Variants in KHDRBS2 observed in about 807,000 individuals in gnomAD.
KHDRBS2 encodes the protein KH RNA binding domain containing, signal transduction associated 2.
A neutral mutation model predicts 44.3 loss-of-function variants in KHDRBS2; 26 were observed. The observed-to-expected ratio is 0.59, with a 90% confidence interval of 0.43 to 0.81. The LOEUF is 0.81. KHDRBS2 is among the 40% of genes least tolerant of loss of function. The pLI, the probability that KHDRBS2 is intolerant of heterozygous loss-of-function variation, is 0.00. For synonymous variants in KHDRBS2, 194 were observed against 151.1 expected, an observed-to-expected ratio of 1.28 and a Z score of -2.08; for missense variants, 476 against 433.1, an observed-to-expected ratio of 1.10 and a Z score of -0.88.
At chr6:61,580,865 T>G in the KHDRBS2 span, among the ~76,000 whole-genome samples, 1 of 152,298 alleles carries the variant, frequency 6.6e-6, no homozygotes, top group South Asian at 2.1e-4. Context: ...GTCCATGGCT[T>G]CCTTCTTGAA....
At chr6:61,596,295 G>A in the KHDRBS2 span, among the ~76,000 whole-genome samples, 2 of 152,000 alleles carry the variant, frequency 1.3e-5, no homozygotes, top group African/African-American at 4.8e-5. Context: ...CTGCTAACAG[G>A]GGAAGCCAAA....
intron 2 of KHDRBS2, among the ~76,000 whole-genome samples, chr6:62,167,817 A>C (rs1419534411): frequency 6.6e-6 from 1 of 152,170 alleles, no homozygotes. Context: ...CCAAGATTAT[A>C]AGTGGCTATA....
chr6:61,651,413 T>G, the KHDRBS2 span, among the ~76,000 whole-genome samples: 1 of 152,232 alleles, frequency 6.6e-6, no homozygotes, highest in East Asian at 1.9e-4. Context: ...TATTTTCCTC[T>G]TGGGGATGCT....
chr6:62,256,316 G>A, intron 1 of KHDRBS2, among the ~76,000 whole-genome samples: 1 of 151,958 alleles, frequency 6.6e-6, no homozygotes, highest in East Asian at 1.9e-4. Context: ...ATATAGTTTG[G>A]CTGTGTCCCC....
chr6:62,135,320 C>T (rs574679575), intron 2 of KHDRBS2, among the ~76,000 whole-genome samples: 51 of 152,210 alleles, frequency 3.4e-4, no homozygotes, highest in African/African-American at 9.4e-4. Flanking sequence ...TTTTGCCTTC[C>T]GCAATGTGAG....
At chr6:61,772,061 C>G (rs1175698256) in intron 6 of KHDRBS2, among the ~76,000 whole-genome samples, 2 of 152,144 alleles carry the variant, frequency 1.3e-5, no homozygotes, top group Non-Finnish European at 1.5e-5. Context: ...ACAACCTGCT[C>G]CTGAATGACT....
At chr6:61,562,676 A>G in the KHDRBS2 span, among the ~76,000 whole-genome samples, 1 of 152,122 alleles carries the variant, frequency 6.6e-6, no homozygotes, top group Non-Finnish European at 1.5e-5. Flanking sequence ...TAGAACCCCC[A>G]TCTTCCAATC....
At chr6:62,179,861 T>C (rs570659228) in intron 1 of KHDRBS2, among the ~76,000 whole-genome samples, 49 of 151,918 alleles carry the variant, frequency 3.2e-4, no homozygotes, top group Admixed American at 7.9e-4. Flanking sequence ...CTGAAGTTTT[T>C]TGGTATTATT....
At chr6:61,633,374 CCTTTACACA>C in the KHDRBS2 span, among the ~76,000 whole-genome samples, 2 of 151,838 alleles carry the variant, frequency 1.3e-5, no homozygotes, top group African/African-American at 4.8e-5. Flanking sequence ...CCCTACAGAC[CCTTTACACA>C]CTGTGAGGAT....
At chr6:62,271,486 C>A (rs1189725663) in intron 1 of KHDRBS2, among the ~76,000 whole-genome samples, 2 of 152,092 alleles carry the variant, frequency 1.3e-5, no homozygotes, top group African/African-American at 4.8e-5. Context: ...TTAGAATATG[C>A]TCCTCAACTT....
chr6:62,070,509 G>A (rs956694912), intron 2 of KHDRBS2, among the ~76,000 whole-genome samples: 1 of 151,588 alleles, frequency 6.6e-6, no homozygotes, highest in Non-Finnish European at 1.5e-5. Context: ...CCTACAACAG[G>A]CCCCGGTGTG....
chr6:62,023,908 A>T (rs887176223), intron 3 of KHDRBS2, among the ~76,000 whole-genome samples: 2 of 151,206 alleles, frequency 1.3e-5, no homozygotes, highest in Non-Finnish European at 3.0e-5. Flanking sequence ...CTAATAATAC[A>T]TATTATTTAA....
At chr6:61,945,109 AAAAGTATATATATATATATAT>A (rs1812997834) in intron 4 of KHDRBS2, among the ~76,000 whole-genome samples, 1 of 36,584 alleles carries the variant, frequency 2.7e-5, no homozygotes, top group African/African-American at 1.0e-4. Context: ...AAAAAAAAAA[AAAAGTATATATATATATATAT>A]ATATATATAT....
rs538909184 is a variant in KHDRBS2 at position 62,101,975 on chromosome 6, G to A, written c.220-53981C>T. On this transcript the variant is annotated intron_variant, in intron 2 of 8. Coordinates refer to ENST00000281156, the MANE Select transcript of KHDRBS2 (RefSeq NM_152688.4). ...TCTACCATGAAGTTTACTCATATCT[G>A]TGGATCTTTTTCCTTAAGTCTATAA... Among the ~76,000 whole-genome samples, 8 of 152,252 alleles carry A rather than the reference G, an allele frequency of 5.3e-5. 1 individual carries two copies. Among genetic ancestry groups the A allele is most frequent in the African/African-American group, 1.4e-4 (6 of 41,562 alleles).
intron 3 of KHDRBS2, among the ~76,000 whole-genome samples, chr6:62,042,711 T>G (rs1284453755): frequency 6.6e-6 from 1 of 152,130 alleles, no homozygotes; most frequent in Non-Finnish European, 1.5e-5. Flanking sequence ...TTGATTTTAC[T>G]GTTGATGAAA....
At chr6:62,121,296 C>T (rs1365131339) in intron 2 of KHDRBS2, among the ~76,000 whole-genome samples, 1 of 152,190 alleles carries the variant, frequency 6.6e-6, no homozygotes, top group South Asian at 2.1e-4. Flanking sequence ...AACATTCCAT[C>T]CCTGGAGCGA....
chr6:61,968,003 CCTCT>C (rs955826035), intron 4 of KHDRBS2, among the ~76,000 whole-genome samples: 2 of 149,518 alleles, frequency 1.3e-5, no homozygotes, highest in Non-Finnish European at 3.0e-5. Flanking sequence ...AAATATACCC[CCTCT>C]CTCTGCACTC....
intron 2 of KHDRBS2, among the ~76,000 whole-genome samples, chr6:62,127,736 C>T (rs1479924281): frequency 1.3e-5 from 2 of 152,084 alleles, no homozygotes; most frequent in African/African-American, 4.8e-5. Flanking sequence ...AGGATTTTTA[C>T]TTGTAAGAAG....
intron 6 of KHDRBS2, among the ~76,000 whole-genome samples, chr6:61,806,340 G>A: frequency 6.6e-6 from 1 of 152,064 alleles, no homozygotes. Context: ...AAAGCCCAAA[G>A]CAGCCCATAG....
Sources: gnomAD v4.1 joint callset for allele counts (sites outside exome capture counted in the v4.1 genomes callset) on GRCh38, gnomAD v4.1.1 for gene constraint, MANE v1.5 for transcripts, NCBI Gene and HGNC (gene_info 2026-07-23, HGNC 2026-07-21) for gene names.